ZNF721: variants seen among roughly 807,000 people sequenced by gnomAD.
The protein encoded by ZNF721 is zinc finger protein 721.
Under a neutral mutation model 2.4 loss-of-function variants are expected in ZNF721, and 2 were observed. That is an observed-to-expected ratio of 0.82 (90% confidence interval 0.34 to 2.58). The LOEUF (loss-of-function observed/expected upper bound fraction) is 2.58. ZNF721 is among the 30% of genes most tolerant of loss of function. ZNF721 has a pLI of 0.11. For missense variants in ZNF721, 1,187 were observed against 1,085.5 expected, an observed-to-expected ratio of 1.09 and a Z score of -1.31; for synonymous variants, 398 against 381.8, an observed-to-expected ratio of 1.04 and a Z score of -0.50.
Position 493,221 on chromosome 4 carries a change from AC to A in ZNF721, c.-94+5834del, listed in dbSNP as rs1342924633. ...CCTAACAGATTCCATTTTCCTTTTA[AC>A]CTCCAAACTGTCCTTGTTCATTCCT... On this transcript the variant is annotated intron_variant, in intron 1 of 2. Coordinates refer to ENST00000511833, the MANE Select transcript of ZNF721 (RefSeq NM_133474.4). Among the ~76,000 whole-genome samples, 11 of 152,204 alleles carry A rather than the reference AC, an allele frequency of 7.2e-5. No homozygotes were observed. The East Asian group carries it at 2.1e-3, about 29-fold the overall frequency.
intron 2 of ZNF721, among the ~76,000 whole-genome samples, chr4:464,052 AAG>A (rs782486324): frequency 6.6e-6 from 1 of 152,358 alleles, no homozygotes; most frequent in East Asian, 1.9e-4. Context: ...AATTATAATA[AAG>A]AGAAATCATT....
chr4:486,054 A>G (rs1553870272), intron 1 of ZNF721, among the ~76,000 whole-genome samples: 1 of 152,148 alleles, frequency 6.6e-6, no homozygotes, highest in East Asian at 1.9e-4. Context: ...AACTTTAAAT[A>G]CCACCACCCA....
intron 1 of ZNF721, among the ~76,000 whole-genome samples, chr4:493,089 T>G (rs1230545465): frequency 2.6e-5 from 4 of 151,922 alleles, no homozygotes; most frequent in Non-Finnish European, 5.9e-5. Context: ...ATTTTAATTG[T>G]TTACCTAGAT....
At chr4:476,517 A>C (rs917269372) in intron 1 of ZNF721, among the ~76,000 whole-genome samples, 1 of 152,242 alleles carries the variant, frequency 6.6e-6, no homozygotes, top group Non-Finnish European at 1.5e-5. Flanking sequence ...CCATTGTCCC[A>C]GGTGATGCTT....
chr4:464,755 T>C (rs1322066122), intron 2 of ZNF721, among the ~76,000 whole-genome samples: 1 of 152,066 alleles, frequency 6.6e-6, no homozygotes, highest in African/African-American at 2.4e-5. Flanking sequence ...AAAATAAAGA[T>C]TTCAGAATGC....
chr4:497,246 C>T (rs1716180599), intron 1 of ZNF721, among the ~76,000 whole-genome samples: 1 of 151,800 alleles, frequency 6.6e-6, no homozygotes, highest in African/African-American at 2.4e-5. Flanking sequence ...GCAAATAAAC[C>T]TCAGACCCCC....
rs1553863102 is a variant in ZNF721 at position 441,688 on chromosome 4, A to G, written c.*7T>C. 1.3e-6 allele frequency: 2 copies of G among 1,594,034 alleles called. No homozygotes were observed. Among genetic ancestry groups the G allele is most frequent in the South Asian group, 2.2e-5 (2 of 89,102 alleles). On this transcript the variant is annotated 3_prime_UTR_variant, in exon 3 of 3. Coordinates refer to ENST00000511833, the MANE Select transcript of ZNF721 (RefSeq NM_133474.4). ...TGTAGTATGACTTAAAGGCTTTGCCACATTCTTTACACTTGTATGGTTTTA... is the reference window on the plus strand; with the variant it reads ...TGTAGTATGACTTAAAGGCTTTGCCGCATTCTTTACACTTGTATGGTTTTA...
intron 2 of ZNF721, among the ~76,000 whole-genome samples, chr4:458,540 C>G (rs1714914315): frequency 6.6e-6 from 1 of 152,138 alleles, no homozygotes; most frequent in African/African-American, 2.4e-5. Flanking sequence ...GCTCCAGGAA[C>G]CACTAACAAT....
At chr4:484,336 ATG>A (rs1456810766) in intron 1 of ZNF721, among the ~76,000 whole-genome samples, 1 of 152,184 alleles carries the variant, frequency 6.6e-6, no homozygotes, top group Non-Finnish European at 1.5e-5. Context: ...ATTGTACAGC[ATG>A]TGTGTTTGAG....
intron 1 of ZNF721, among the ~76,000 whole-genome samples, chr4:491,950 C>T (rs369048708): frequency 2.0e-5 from 3 of 151,512 alleles, no homozygotes; most frequent in Non-Finnish European, 4.4e-5. Context: ...GTCAGGAGAT[C>T]GAGACCATCC....
At chr4:476,973 A>G (rs114540814) in intron 1 of ZNF721, among the ~76,000 whole-genome samples, 1 of 152,042 alleles carries the variant, frequency 6.6e-6, no homozygotes, top group Non-Finnish European at 1.5e-5. Context: ...CCTGGTTCCA[A>G]TTCTCATGGC....
chr4:478,769 G>GT (rs1715700909), intron 1 of ZNF721, among the ~76,000 whole-genome samples: 1 of 135,642 alleles, frequency 7.4e-6, no homozygotes, highest in East Asian at 2.1e-4. Context: ...GGAAAGGTCT[G>GT]ATTTTTTTTT....
intron 2 of ZNF721, among the ~76,000 whole-genome samples, chr4:462,120 CAG>C: frequency 6.6e-6 from 1 of 152,206 alleles, no homozygotes; most frequent in Middle Eastern, 3.4e-3. Flanking sequence ...AATAGACAAA[CAG>C]AGAGCCAAAT....
chr4:474,279 G>T (rs1715565736), intron 1 of ZNF721: 2 of 344,626 alleles, frequency 5.8e-6, no homozygotes, highest in Admixed American at 3.9e-5. Context: ...GACAGAAATT[G>T]TGACCATACA....
intron 2 of ZNF721, among the ~76,000 whole-genome samples, chr4:467,078 C>T (rs1715276005): frequency 6.6e-6 from 1 of 151,988 alleles, no homozygotes; most frequent in Non-Finnish European, 1.5e-5. Flanking sequence ...AAAAATTAGC[C>T]GGGCGTGGTG....
At chr4:473,644 T>TC (rs1715533990) in intron 1 of ZNF721, among the ~76,000 whole-genome samples, 1 of 152,098 alleles carries the variant, frequency 6.6e-6, no homozygotes. Flanking sequence ...TCTCATTCCG[T>TC]AAAGTAGGGA....
chr4:490,215 G>A (rs1309072832), intron 1 of ZNF721, among the ~76,000 whole-genome samples: 3 of 151,964 alleles, frequency 2.0e-5, no homozygotes, highest in Non-Finnish European at 4.4e-5. Context: ...GGTGGCTCAC[G>A]CCTGTAATCC....
At chr4:457,414 C>T (rs1714880520) in intron 2 of ZNF721, among the ~76,000 whole-genome samples, 1 of 152,172 alleles carries the variant, frequency 6.6e-6, no homozygotes, top group Admixed American at 6.5e-5. Context: ...GAGTGGCATG[C>T]TTGCCCATCA....
chr4:480,925 T>C (rs1253277256), intron 1 of ZNF721, among the ~76,000 whole-genome samples: 1 of 151,730 alleles, frequency 6.6e-6, no homozygotes, highest in African/African-American at 2.4e-5. Context: ...CTGGATTGTA[T>C]GACAATTTCA....
Sources: gnomAD v4.1 joint callset for allele counts (sites outside exome capture counted in the v4.1 genomes callset) on GRCh38, gnomAD v4.1.1 for gene constraint, MANE v1.5 for transcripts, NCBI Gene and HGNC (gene_info 2026-07-23, HGNC 2026-07-21) for gene names.